ANKRD28: variants seen among roughly 807,000 people sequenced by gnomAD.
ANKRD28 encodes ankyrin repeat domain 28, also known as serine/threonine-protein phosphatase 6 regulatory ankyrin repeat subunit A.
ANKRD28 carries 44 observed loss-of-function variants against 126.5 expected under a neutral mutation model. That is an observed-to-expected ratio of 0.35 (90% CI 0.27 to 0.45). ANKRD28 has a LOEUF of 0.45. Among genes scored for constraint, ANKRD28 ranks in the 20% least tolerant of loss-of-function variants. The pLI, the probability that ANKRD28 is intolerant of heterozygous loss-of-function variation, is 1.00. For synonymous variants in ANKRD28, 442 were observed against 468.5 expected, an observed-to-expected ratio of 0.94 and a Z score of 0.73; for missense variants, 1,110 against 1,316.6, an observed-to-expected ratio of 0.84 and a Z score of 2.43.
intron 1 of ANKRD28, among the ~76,000 whole-genome samples, chr3:15,803,202 A>G (rs1165535067): frequency 6.6e-6 from 1 of 152,242 alleles, no homozygotes; most frequent in Non-Finnish European, 1.5e-5. Context: ...TGGCTTTGAT[A>G]CGAAGAACGG....
chr3:15,695,473 T>A, intron 15 of ANKRD28, among the ~76,000 whole-genome samples: 1 of 152,156 alleles, frequency 6.6e-6, no homozygotes, highest in Admixed American at 6.6e-5. Context: ...CTATATTAAA[T>A]TGTCAACCTC....
intron 1 of ANKRD28, among the ~76,000 whole-genome samples, chr3:15,855,816 T>A (rs187407638): frequency 6.6e-6 from 1 of 152,312 alleles, no homozygotes; most frequent in East Asian, 1.9e-4. Context: ...GGGGTTTCTT[T>A]TTGGAAATGA....
At position 15,741,698 on chromosome 3, in the gene ANKRD28, T is replaced by C. The variant is rs1216288327; in HGVS notation, c.352-4465A>G. On this transcript the variant is annotated intron_variant, in intron 4 of 27. Transcript: ENST00000683139. ...CCAGTTTTCCCCTTTGGTTCTATCC[T>C]TTTTTTTTTTTTTTTTTTTTTTTTT... 5.9e-4 allele frequency among the ~76,000 whole-genome samples: 4 copies of C among 6,752 alleles called. No homozygotes were observed. In the Admixed American group the frequency reaches 6.5e-3, roughly 11 times the overall value. The allele number at this position is 6,752 out of a possible 152,430, so 4.4% of individuals were successfully genotyped here. A position where few individuals can be genotyped will look rare whatever the true frequency, so the allele number is the denominator to read the frequency against.
At position 15,670,348 on chromosome 3, in the gene ANKRD28, G is replaced by A; in HGVS notation, c.3174C>T (p.Phe1058=). 6.2e-7 allele frequency: 1 copy of A among 1,605,880 alleles called. No homozygotes were observed. The highest frequency in any genetic ancestry group is 1.1e-5 in the South Asian group (1 of 90,974). The change falls in exon 28 of 28, where the codon TTC becomes TTT. Residue 1058 remains phenylalanine (F), a synonymous_variant. Coordinates refer to ENST00000683139, the MANE Select transcript of ANKRD28 (RefSeq NM_001349278.2). ...ACTCCTGTTCCCCTCCAATGTTATT[G>A]AAACTGCAATAGGAGCTAGGTTCAT... is the stretch of plus-strand genomic sequence containing the variant. ...MRNEPSSYCS[F]NNIGGEQEYL...
chr3:15,807,817 T>C (rs1024704702), intron 1 of ANKRD28, among the ~76,000 whole-genome samples: 2 of 152,196 alleles, frequency 1.3e-5, no homozygotes, highest in African/African-American at 4.8e-5. Flanking sequence ...AGAGATAAGC[T>C]AAATCGATGA....
chr3:15,764,228 T>TA (rs1052677236), intron 3 of ANKRD28, among the ~76,000 whole-genome samples: 30 of 151,982 alleles, frequency 2.0e-4, no homozygotes, highest in Admixed American at 1.4e-3. Context: ...CAAAGAAAAA[T>TA]AAAAAAAGTA....
At chr3:15,811,225 T>G (rs1288354236) in intron 1 of ANKRD28, among the ~76,000 whole-genome samples, 1 of 152,174 alleles carries the variant, frequency 6.6e-6, no homozygotes, top group South Asian at 2.1e-4. Context: ...AAGAGAATGC[T>G]TTATTAGAAG....
chr3:15,792,595 G>C (rs1237540535), intron 2 of ANKRD28, among the ~76,000 whole-genome samples: 2 of 152,010 alleles, frequency 1.3e-5, no homozygotes, highest in African/African-American at 4.8e-5. Context: ...GTGGGAGGTG[G>C]GGATGGTTAA....
chr3:15,810,071 C>T (rs2060679880), intron 1 of ANKRD28, among the ~76,000 whole-genome samples: 1 of 152,094 alleles, frequency 6.6e-6, no homozygotes, highest in Admixed American at 6.6e-5. Flanking sequence ...AGTAAATACA[C>T]TTTAACCTAT....
intron 1 of ANKRD28, among the ~76,000 whole-genome samples, chr3:15,818,233 C>T (rs766839274): frequency 3.3e-5 from 5 of 152,008 alleles, no homozygotes; most frequent in Admixed American, 6.6e-5. Flanking sequence ...ATGTTTTGTC[C>T]GACACAGGTT....
At chr3:15,856,399 T>C (rs1401204109) in intron 1 of ANKRD28, among the ~76,000 whole-genome samples, 2 of 152,214 alleles carry the variant, frequency 1.3e-5, no homozygotes, top group East Asian at 3.8e-4. Flanking sequence ...TCTACCCTTC[T>C]TACTAGGGTG....
chr3:15,822,317 C>G (rs911250840), intron 1 of ANKRD28, among the ~76,000 whole-genome samples: 1 of 152,032 alleles, frequency 6.6e-6, no homozygotes, highest in African/African-American at 2.4e-5. Context: ...GGGGGGAGAT[C>G]GAGGCATTTA....
Position 15,735,411 on chromosome 3 carries a change from C to G in ANKRD28, c.639G>C (p.Met213Ile). 1 of 1,552,238 alleles carries G rather than the reference C, an allele frequency of 6.4e-7. No individual in the cohort carries two copies. Among genetic ancestry groups the G allele is most frequent in the Non-Finnish European group, 8.7e-7 (1 of 1,146,420 alleles). Residue 213 changes from methionine to isoleucine, a missense_variant and splice_region_variant, in exon 6 of 28, where the codon ATG (methionine) becomes ATC (isoleucine). Met to Ile is a conservative substitution (Grantham distance 10). Coordinates refer to ENST00000683139, the MANE Select transcript of ANKRD28 (RefSeq NM_001349278.2). ...DRRAIHWAAY[M>I]GHIEVVKLLV... is the part of the protein sequence containing the mutation. ...AAACTAAATTTAAAAAGTACATACCCATATATGCTGCCCAATGGATAGCAC... is the reference window on the plus strand; with the variant it reads ...AAACTAAATTTAAAAAGTACATACCGATATATGCTGCCCAATGGATAGCAC...
At chr3:15,739,065 C>T (rs1198779568) in intron 4 of ANKRD28, among the ~76,000 whole-genome samples, 1 of 152,202 alleles carries the variant, frequency 6.6e-6, no homozygotes, top group Non-Finnish European at 1.5e-5. Context: ...TCCCTTGTTC[C>T]CTAAACATCG....
chr3:15,781,479 A>G (rs918575943), intron 2 of ANKRD28: 2 of 152,148 alleles, frequency 1.3e-5, no homozygotes, highest in East Asian at 3.9e-4. Context: ...TTGTATACAT[A>G]TACCAAAATA....
intron 3 of ANKRD28, among the ~76,000 whole-genome samples, chr3:15,761,901 C>T (rs1431550046): frequency 6.6e-6 from 1 of 152,020 alleles, no homozygotes; most frequent in Non-Finnish European, 1.5e-5. Flanking sequence ...AAAATCTCTC[C>T]TGGGCTGGGC....
intron 3 of ANKRD28, among the ~76,000 whole-genome samples, chr3:15,753,612 T>G (rs2057992077): frequency 6.6e-6 from 1 of 152,094 alleles, no homozygotes; most frequent in East Asian, 1.9e-4. Context: ...TGAGGTCTCA[T>G]GAGGGATGCT....
intron 2 of ANKRD28, among the ~76,000 whole-genome samples, chr3:15,788,532 C>CA (rs1318337410): frequency 1.3e-5 from 2 of 151,966 alleles, no homozygotes; most frequent in Non-Finnish European, 2.9e-5. Context: ...TTGAGTAATA[C>CA]AAAATGGCTT....
intron 10 of ANKRD28, 84 bp downstream of exon 10, chr3:15,713,443 T>G: frequency 8.7e-6 from 9 of 1,034,064 alleles, no homozygotes; most frequent in Non-Finnish European, 1.2e-5. Flanking sequence ...AATCCACATT[T>G]CCACGTGAAA....
Sources: gnomAD v4.1 joint callset for allele counts (sites outside exome capture counted in the v4.1 genomes callset) on GRCh38, gnomAD v4.1.1 for gene constraint, MANE v1.5 for transcripts, NCBI Gene and HGNC (gene_info 2026-07-23, HGNC 2026-07-21) for gene names.